Variants in KANK1 observed in about 807,000 individuals in gnomAD.
KANK1 encodes the protein KN motif and ankyrin repeat domain-containing protein 1.
Under a neutral mutation model 106.2 loss-of-function variants are expected in KANK1, and 109 were observed. The observed-to-expected ratio is 1.03, with a 90% CI of 0.88 to 1.20. The LOEUF is 1.20. Ranked by LOEUF, KANK1 falls within the 50% of genes most tolerant of loss-of-function variation. KANK1 has a pLI of 0.00. For synonymous variants in KANK1, 873 were observed against 652.2 expected (o/e 1.34, Z -5.16); for missense variants, 2,399 against 1,710.7 (o/e 1.40, Z -7.10).
chr9:562,799 C>T (rs1320234276), intron 1 of KANK1, among the ~76,000 whole-genome samples: 3 of 152,136 alleles, frequency 2.0e-5, no homozygotes, highest in Non-Finnish European at 2.9e-5. Flanking sequence ...AACTTCATCA[C>T]GGCAGAAGTT....
chr9:579,522 A>T (rs934589337), intron 1 of KANK1, among the ~76,000 whole-genome samples: 1 of 152,116 alleles, frequency 6.6e-6, no homozygotes, highest in Non-Finnish European at 1.5e-5. Flanking sequence ...CATGCAACAC[A>T]CAGATCCAGC....
At chr9:589,069 A>G (rs1824203621) in intron 1 of KANK1, among the ~76,000 whole-genome samples, 1 of 152,218 alleles carries the variant, frequency 6.6e-6, no homozygotes, top group African/African-American at 2.4e-5. Context: ...ACCTTCCGTG[A>G]CTCAGTTGAT....
intron 2 of KANK1, among the ~76,000 whole-genome samples, chr9:698,369 C>G (rs979461581): frequency 3.9e-5 from 6 of 152,218 alleles, no homozygotes; most frequent in African/African-American, 1.4e-4. Context: ...CCTGCCCTCA[C>G]TCATGCCATA....
chr9:621,113 G>A (rs1421473120), intron 1 of KANK1, among the ~76,000 whole-genome samples: 1 of 152,014 alleles, frequency 6.6e-6, no homozygotes, highest in Non-Finnish European at 1.5e-5. Flanking sequence ...TCTGTTTTCA[G>A]GCTCCTTTCC....
At chr9:553,679 G>GA (rs2061410194) in intron 1 of KANK1, among the ~76,000 whole-genome samples, 1 of 152,184 alleles carries the variant, frequency 6.6e-6, no homozygotes, top group African/African-American at 2.4e-5. Context: ...TGAAGTATGA[G>GA]AAAAATATAA....
At chr9:547,280 A>G (rs1487931380) in intron 1 of KANK1, 1 of 152,194 alleles carries the variant, frequency 6.6e-6, no homozygotes, top group Non-Finnish European at 1.5e-5. Flanking sequence ...AAGAAAGTCT[A>G]CAGTAACATT....
chr9:493,015 C>T (rs1324634525), intron 3 of KANK1, among the ~76,000 whole-genome samples: 2 of 98,970 alleles, frequency 2.0e-5, no homozygotes, highest in Non-Finnish European at 4.2e-5. Context: ...TCAACAAGAA[C>T]AAAACTCCGT....
Position 520,983 on chromosome 9 carries a change from A to G in KANK1, c.-84+16229A>G, listed in dbSNP as rs370682567. On this transcript the variant is annotated intron_variant, in intron 1 of 11. Coordinates refer to ENST00000382297, the MANE Select transcript of KANK1 (RefSeq NM_015158.5). ...CAATTAACAGTGGATGCTACTGTCA[A>G]GAGAAGGGTAGAGATGGGGCCTTTT... 2.6e-5 allele frequency among the ~76,000 whole-genome samples: 4 copies of G among 151,808 alleles called. No individual in the cohort carries two copies. In the East Asian group the frequency reaches 7.7e-4, roughly 29 times the overall value.
At chr9:741,405 C>T (rs1025189644) in intron 9 of KANK1, among the ~76,000 whole-genome samples, 3 of 151,216 alleles carry the variant, frequency 2.0e-5, no homozygotes, top group East Asian at 1.9e-4. Flanking sequence ...CTGCAACCAC[C>T]CCCGGCTCCC....
intron 2 of KANK1, among the ~76,000 whole-genome samples, chr9:705,393 G>C (rs952393293): frequency 2.0e-5 from 3 of 152,144 alleles, no homozygotes; most frequent in African/African-American, 7.2e-5. Context: ...GGACGAGGCA[G>C]GAGAATCCCT....
chr9:477,122 G>T (rs1490115497), intron 3 of KANK1, among the ~76,000 whole-genome samples: 1 of 152,222 alleles, frequency 6.6e-6, no homozygotes, highest in East Asian at 1.9e-4. Context: ...ATGACAGGGA[G>T]TTTGGGTGAC....
At chr9:719,704 T>G (rs1452306139) in intron 3 of KANK1, among the ~76,000 whole-genome samples, 1 of 152,174 alleles carries the variant, frequency 6.6e-6, no homozygotes, top group Admixed American at 6.5e-5. Flanking sequence ...GACTGGAGAA[T>G]TGATCTCTTT....
chr9:504,329 CCGCGGCGAGGCCCGCGGGCCAGG>C (rs1158707322), upstream of KANK1, among the ~76,000 whole-genome samples: 108 of 152,040 alleles, frequency 7.1e-4, no homozygotes, highest in Admixed American at 2.2e-3. Context: ...TTAGTTCTCG[CCGCGGCGAGGCCCGCGGGCCAGG>C]CGCGGCGACG....
intron 2 of KANK1, among the ~76,000 whole-genome samples, chr9:688,598 CAA>C (rs33959316): frequency 5.3e-4 from 58 of 108,908 alleles, no homozygotes; most frequent in East Asian, 1.4e-3. Context: ...GACTCTGTCT[CAA>C]AAAAAAAAAA....
intron 1 of KANK1, among the ~76,000 whole-genome samples, chr9:639,999 G>T (rs1443733583): frequency 1.3e-5 from 2 of 152,140 alleles, no homozygotes; most frequent in Admixed American, 6.5e-5. Context: ...CCCGTTGAAG[G>T]TTGGGTTTCA....
chr9:558,923 T>G (rs1472002501), intron 1 of KANK1: 1 of 152,126 alleles, frequency 6.6e-6, no homozygotes, highest in Non-Finnish European at 1.5e-5. Context: ...GAAGCGTTCC[T>G]TAATAAAAAA....
intron 11 of KANK1, 139 bp from the exon 12 acceptor site, chr9:745,034 C>G: frequency 6.6e-7 from 1 of 1,515,830 alleles, no homozygotes; most frequent in Non-Finnish European, 8.8e-7. Flanking sequence ...CACCTGTTCC[C>G]TGTTCTCAGC....
chr9:554,979 T>C (rs2061494246), intron 1 of KANK1, among the ~76,000 whole-genome samples: 1 of 152,210 alleles, frequency 6.6e-6, no homozygotes, highest in Non-Finnish European at 1.5e-5. Context: ...TGATCTCTTC[T>C]TGGCACACCC....
chr9:715,960 C>T (rs1446361995), intron 3 of KANK1, among the ~76,000 whole-genome samples: 2 of 152,184 alleles, frequency 1.3e-5, no homozygotes, highest in Non-Finnish European at 2.9e-5. Flanking sequence ...GTGCACTGTG[C>T]ATTCCTGTGC....
Sources: gnomAD v4.1 joint callset for allele counts (sites outside exome capture counted in the v4.1 genomes callset) on GRCh38, gnomAD v4.1.1 for gene constraint, MANE v1.5 for transcripts, NCBI Gene and HGNC (gene_info 2026-07-23, HGNC 2026-07-21) for gene names.